Variants in SGCD observed in about 807,000 individuals in gnomAD.
The protein encoded by SGCD is sarcoglycan delta, also known as delta-sarcoglycan.
SGCD carries 18 observed loss-of-function variants against 36.6 expected under a neutral mutation model. The observed-to-expected ratio is 0.49, with a 90% CI of 0.34 to 0.73. The LOEUF (loss-of-function observed/expected upper bound fraction) is 0.73. Among genes scored for constraint, SGCD ranks in the 30% least tolerant of loss-of-function variants. The pLI is 0.01. For synonymous variants in SGCD, 133 were observed against 130.6 expected (o/e 1.02, Z -0.12); for missense variants, 387 against 346.7 (o/e 1.12, Z -0.92).
At chr5:156,010,200 C>T (rs193030868) in intron 1 of SGCD, among the ~76,000 whole-genome samples, 17 of 152,200 alleles carry the variant, frequency 1.1e-4, no homozygotes, top group African/African-American at 2.4e-4. Flanking sequence ...TCATAACTTT[C>T]GGCCTATTAT....
At chr5:156,757,834 G>GAAAC (rs1378616470) in intron 8 of SGCD, 130 bp downstream of exon 8, 1 of 1,352,486 alleles carries the variant, frequency 7.4e-7, no homozygotes, top group Non-Finnish European at 9.6e-7. Flanking sequence ...TTTTATTTCT[G>GAAAC]AAACAATTAA....
At chr5:156,385,491 A>C (rs1771227800) in intron 3 of SGCD, among the ~76,000 whole-genome samples, 1 of 152,230 alleles carries the variant, frequency 6.6e-6, no homozygotes, top group Non-Finnish European at 1.5e-5. Flanking sequence ...CCATCAGGAG[A>C]AGATTTGTTT....
At chr5:156,726,167 T>C (rs1253882184) in intron 7 of SGCD, among the ~76,000 whole-genome samples, 1 of 152,238 alleles carries the variant, frequency 6.6e-6, no homozygotes, top group Non-Finnish European at 1.5e-5. Flanking sequence ...ATTTTAGAAC[T>C]ATTTGCATCT....
intron 1 of SGCD, among the ~76,000 whole-genome samples, chr5:156,088,791 G>C (rs1319161547): frequency 6.6e-6 from 1 of 152,130 alleles, no homozygotes; most frequent in Non-Finnish European, 1.5e-5. Flanking sequence ...TTACTTATTT[G>C]TGGTTTTTCT....
chr5:156,700,505 T>G (rs1356716802), intron 7 of SGCD, among the ~76,000 whole-genome samples: 1 of 152,200 alleles, frequency 6.6e-6, no homozygotes, highest in Non-Finnish European at 1.5e-5. Context: ...CTCTAAAACA[T>G]CTTCTCAACT....
chr5:155,948,030 AC>A (rs1159487274), intron 1 of SGCD, among the ~76,000 whole-genome samples: 1 of 152,286 alleles, frequency 6.6e-6, no homozygotes, highest in African/African-American at 2.4e-5. Flanking sequence ...TAATCCCAGC[AC>A]TTTGGGAGGC....
At chr5:156,329,904 C>T (rs1767984787) in intron 2 of SGCD, among the ~76,000 whole-genome samples, 2 of 150,668 alleles carry the variant, frequency 1.3e-5, no homozygotes, top group Non-Finnish European at 2.9e-5. Flanking sequence ...GTAGTCCCAG[C>T]TACTCGGGAG....
At chr5:156,069,729 C>T (rs562293394) in intron 1 of SGCD, among the ~76,000 whole-genome samples, 1 of 148,550 alleles carries the variant, frequency 6.7e-6, no homozygotes, top group East Asian at 1.9e-4. Context: ...TGGCCATTTT[C>T]ACGATATTGA....
At chr5:155,978,093 A>AAAAAT (rs138088122) in intron 1 of SGCD, among the ~76,000 whole-genome samples, 348 of 151,132 alleles carry the variant, frequency 2.3e-3, no homozygotes, top group African/African-American at 8.0e-3. Flanking sequence ...ACTCTGTCTC[A>AAAAAT]AAAATAAAAT....
At chr5:156,177,652 C>G (rs1378318700) in intron 3 of SGCD, among the ~76,000 whole-genome samples, 1 of 152,140 alleles carries the variant, frequency 6.6e-6, no homozygotes, top group Non-Finnish European at 1.5e-5. Context: ...AACATATCCC[C>G]ACATGAAATT....
chr5:156,154,188 T>A (rs1261272587), intron 3 of SGCD, among the ~76,000 whole-genome samples: 1 of 151,626 alleles, frequency 6.6e-6, no homozygotes, highest in Non-Finnish European at 1.5e-5. Context: ...GCTTTCTTTT[T>A]TTCCTCCCTT....
At chr5:156,226,401 A>G (rs1764860407) in intron 3 of SGCD, among the ~76,000 whole-genome samples, 1 of 152,022 alleles carries the variant, frequency 6.6e-6, no homozygotes, top group Non-Finnish European at 1.5e-5. Flanking sequence ...CCATTAATTC[A>G]TTTCTTTTTA....
chr5:155,824,822 A>C, the SGCD span, among the ~76,000 whole-genome samples: 3 of 152,172 alleles, frequency 2.0e-5, no homozygotes, highest in Non-Finnish European at 2.9e-5. Flanking sequence ...GCTACCACTT[A>C]CTATAGGTCA....
intron 1 of SGCD, among the ~76,000 whole-genome samples, chr5:155,961,066 T>G (rs1159987394): frequency 6.6e-6 from 1 of 152,040 alleles, no homozygotes; most frequent in African/African-American, 2.4e-5. Flanking sequence ...TTGTTACAAC[T>G]TTTTTTTCTC....
At chr5:156,279,298 C>T (rs1766389733) in intron 3 of SGCD, among the ~76,000 whole-genome samples, 1 of 152,244 alleles carries the variant, frequency 6.6e-6, no homozygotes, top group South Asian at 2.1e-4. Context: ...TGTGACAAAT[C>T]AAATACAGAG....
intron 7 of SGCD, among the ~76,000 whole-genome samples, chr5:156,752,536 G>A (rs2113150835): frequency 6.6e-6 from 1 of 152,138 alleles, no homozygotes; most frequent in East Asian, 1.9e-4. Flanking sequence ...GGGATTACAG[G>A]CACCTGCCAC....
intron 6 of SGCD, among the ~76,000 whole-genome samples, chr5:156,637,084 C>T (rs1388557886): frequency 6.6e-6 from 1 of 152,100 alleles, no homozygotes; most frequent in Non-Finnish European, 1.5e-5. Context: ...GTAATTGAAT[C>T]ATGAGGGCAG....
At chr5:155,877,236 A>C (rs1402907692) in intron 1 of SGCD, among the ~76,000 whole-genome samples, 1 of 152,120 alleles carries the variant, frequency 6.6e-6, no homozygotes, top group Non-Finnish European at 1.5e-5. Context: ...CGAAATGGCC[A>C]CATCCGTAAG....
intron 3 of SGCD, among the ~76,000 whole-genome samples, chr5:156,447,584 C>T (rs1049120980): frequency 1.3e-5 from 2 of 152,074 alleles, no homozygotes; most frequent in African/African-American, 4.8e-5. Flanking sequence ...AGTGTTCTCA[C>T]AAGTAGGAGC....
Sources: allele counts gnomAD v4.1 joint callset (sites outside exome capture counted in the v4.1 genomes callset), GRCh38; gene constraint gnomAD v4.1.1; transcripts MANE v1.5; gene names NCBI Gene and HGNC (gene_info 2026-07-23, HGNC 2026-07-21).